CCSER1: variants seen among roughly 807,000 people sequenced by gnomAD.
CCSER1 encodes coiled-coil serine rich protein 1.
In CCSER1, 41 loss-of-function variants were observed where a neutral mutation model predicts 82.0. That is an observed-to-expected ratio of 0.50 (90% CI 0.39 to 0.65). The LOEUF is 0.65. CCSER1 is among the 30% of genes least tolerant of loss of function. The pLI is 0.00. For missense variants in CCSER1, 1,119 were observed against 1,064.2 expected, an observed-to-expected ratio of 1.05 and a Z score of -0.72; for synonymous variants, 414 against 383.9, an observed-to-expected ratio of 1.08 and a Z score of -0.92.
chr4:90,957,660 A>G (rs1320432441), intron 9 of CCSER1, among the ~76,000 whole-genome samples: 1 of 124,090 alleles, frequency 8.1e-6, no homozygotes, highest in Non-Finnish European at 1.6e-5. Flanking sequence ...AATTATATAT[A>G]TAACTATATA....
chr4:90,343,629 A>T (rs985775658), intron 3 of CCSER1, among the ~76,000 whole-genome samples: 4 of 152,118 alleles, frequency 2.6e-5, no homozygotes, highest in Non-Finnish European at 4.4e-5. Context: ...AAACAAAACG[A>T]AACAAAACAA....
intron 5 of CCSER1, among the ~76,000 whole-genome samples, chr4:90,611,591 T>G (rs1185661457): frequency 6.6e-6 from 1 of 151,704 alleles, no homozygotes; most frequent in Non-Finnish European, 1.5e-5. Context: ...CTTATATGAT[T>G]GGTATATTTT....
chr4:90,204,243 G>A (rs1738338660), intron 1 of CCSER1, among the ~76,000 whole-genome samples: 1 of 152,174 alleles, frequency 6.6e-6, no homozygotes, highest in African/African-American at 2.4e-5. Flanking sequence ...TGCTTTTGGT[G>A]TTTCAGTCAT....
In CCSER1 at chr4:90,400,018, G is replaced by T. The variant is rs1752588118; in HGVS notation, c.1510-18G>T. The T allele has an allele frequency of 6.7e-6, 10 of 1,491,972 alleles. No homozygotes were observed. The Admixed American group carries it at 1.2e-4, about 18-fold the overall frequency. 92.4% of individuals were successfully genotyped at this position (1,491,972 alleles called of 1,614,324 possible). ...TCAGTGTTTTGGTTTCTAATTGTTG[G>T]TTTTGATTTTTCTTCAGGATGTTTT... On this transcript the variant is annotated intron_variant, in intron 3 of 10. Transcript: ENST00000509176.
At chr4:91,561,807 C>T (rs555470389) in intron 10 of CCSER1, among the ~76,000 whole-genome samples, 1 of 151,462 alleles carries the variant, frequency 6.6e-6, no homozygotes, top group East Asian at 1.9e-4. Flanking sequence ...TTATAGCTGT[C>T]ACATATCTAC....
intron 10 of CCSER1, among the ~76,000 whole-genome samples, chr4:91,311,516 C>A (rs564598664): frequency 6.6e-6 from 1 of 151,972 alleles, no homozygotes. Context: ...TTCATTATTT[C>A]ATTGAACATG....
In CCSER1 at chr4:91,251,343, A is replaced by G. The variant is rs573876440; in HGVS notation, c.2217+165349A>G. Among the ~76,000 whole-genome samples, 7 of 152,262 alleles carry G rather than the reference A, an allele frequency of 4.6e-5. No individual in the cohort carries two copies. The South Asian group carries it at 1.4e-3, about 32-fold the overall frequency. The stretch of plus-strand genomic sequence containing the variant: ...ATGCAGGCACTAATTCTATTCATGA[A>G]GGCTCTACCCTCATGACCTAATTAC... On this transcript the variant is annotated intron_variant, in intron 10 of 10. Transcript: ENST00000509176.
At chr4:90,750,599 A>T (rs1748454343) in intron 7 of CCSER1, among the ~76,000 whole-genome samples, 1 of 152,110 alleles carries the variant, frequency 6.6e-6, no homozygotes, top group African/African-American at 2.4e-5. Context: ...TTTTACAGTG[A>T]ACTTATCTTA....
intron 5 of CCSER1, among the ~76,000 whole-genome samples, chr4:90,596,371 T>G (rs1416213937): frequency 1.3e-5 from 2 of 151,878 alleles, no homozygotes; most frequent in African/African-American, 4.8e-5. Flanking sequence ...TTCATTATGG[T>G]GAAGTAAAAA....
chr4:90,666,332 C>T (rs191017908), intron 6 of CCSER1, among the ~76,000 whole-genome samples: 656 of 152,246 alleles, frequency 4.3e-3, no homozygotes, highest in Middle Eastern at 0.02. Flanking sequence ...ACAGGCTTGA[C>T]ACCATGGGCA....
chr4:90,448,480 TA>T (rs1560533165), intron 4 of CCSER1, among the ~76,000 whole-genome samples: 11 of 139,554 alleles, frequency 7.9e-5, no homozygotes, highest in African/African-American at 3.0e-4. Flanking sequence ...TATATATATA[TA>T]TATAGCACTT....
intron 9 of CCSER1, among the ~76,000 whole-genome samples, chr4:91,081,344 G>A (rs548244431): frequency 2.6e-5 from 4 of 151,950 alleles, no homozygotes; most frequent in African/African-American, 4.8e-5. Context: ...AAAGGCCTTC[G>A]ATGAATAAAA....
intron 10 of CCSER1, among the ~76,000 whole-genome samples, chr4:91,122,861 A>G (rs1727206865): frequency 6.6e-6 from 1 of 151,804 alleles, no homozygotes; most frequent in Non-Finnish European, 1.5e-5. Context: ...GTGAATAAAC[A>G]AATTTCATCT....
At chr4:91,301,657 A>G (rs34551709) in intron 10 of CCSER1, among the ~76,000 whole-genome samples, 8,468 of 151,890 alleles carry the variant, frequency 0.056, 320 homozygotes, top group Middle Eastern at 0.082. Flanking sequence ...ATGTCCTTTA[A>G]TGGCAGTTAT....
intron 5 of CCSER1, among the ~76,000 whole-genome samples, chr4:90,522,507 T>C (rs1261856794): frequency 3.9e-5 from 6 of 152,178 alleles, no homozygotes; most frequent in Non-Finnish European, 8.8e-5. Context: ...GTTATTCTTC[T>C]GCTAAGATAT....
intron 8 of CCSER1, among the ~76,000 whole-genome samples, chr4:90,837,571 T>A (rs1263303441): frequency 6.6e-6 from 1 of 152,124 alleles, no homozygotes; most frequent in Non-Finnish European, 1.5e-5. Flanking sequence ...GATGACTGAA[T>A]ACAAACAAAT....
Position 90,205,096 on chromosome 4 carries a change from A to G in CCSER1, c.-42+77265A>G, listed in dbSNP as rs374582387. On this transcript the variant is annotated intron_variant, in intron 1 of 10. Transcript: ENST00000509176. Reference sequence around the variant, plus strand: ...ATCAGCTTAAGGAAATTTTGGGCTGAGATGATGGAGTTTTCTAAATATCCA... The same window carrying G: ...ATCAGCTTAAGGAAATTTTGGGCTGGGATGATGGAGTTTTCTAAATATCCA... Among the ~76,000 whole-genome samples the G allele has an allele frequency of 5.3e-4, 80 of 152,322 alleles. No homozygotes were observed. The East Asian group carries it at 0.014, about 26-fold the overall frequency.
chr4:90,857,363 A>G (rs1463543725), intron 8 of CCSER1, among the ~76,000 whole-genome samples: 3 of 152,020 alleles, frequency 2.0e-5, no homozygotes, highest in Non-Finnish European at 2.9e-5. Context: ...TCCTTGCCAC[A>G]TTGATCTCTC....
At chr4:91,333,721 T>G (rs571333413) in intron 10 of CCSER1, among the ~76,000 whole-genome samples, 137 of 152,200 alleles carry the variant, frequency 9.0e-4, no homozygotes, top group African/African-American at 2.9e-3. Flanking sequence ...ATACAGTCTG[T>G]ATTTGTATAA....
Sources: allele counts gnomAD v4.1 joint callset (sites outside exome capture counted in the v4.1 genomes callset), GRCh38; gene constraint gnomAD v4.1.1; transcripts MANE v1.5; gene names NCBI Gene and HGNC (gene_info 2026-07-23, HGNC 2026-07-21).